MAP7D2: variants seen among roughly 807,000 people sequenced by gnomAD.
MAP7D2 encodes MAP7 domain-containing protein 2.
MAP7D2 carries 33 observed loss-of-function variants against 63.5 expected under a neutral mutation model. The ratio of observed to expected loss-of-function variants is 0.52; its 90% CI spans 0.39 to 0.70. MAP7D2 has a LOEUF of 0.70. Ranked by LOEUF, MAP7D2 falls within the 30% of genes least tolerant of loss-of-function variation. The pLI, the probability that MAP7D2 is intolerant of heterozygous loss-of-function variation, is 0.00. For synonymous variants in MAP7D2, 224 were observed against 223.7 expected (o/e 1.00, Z -0.01); for missense variants, 626 against 604.0 (o/e 1.04, Z -0.38).
In MAP7D2 at chrX:20,074,778, C is replaced by T. The variant is rs200636056; in HGVS notation, c.131-9973G>A. Among the ~76,000 whole-genome samples the T allele has an allele frequency of 1.8e-3, 199 of 111,758 alleles. 5 individuals are homozygous for T. The South Asian group carries it at 0.019, about 11-fold the overall frequency. On this transcript the variant is annotated intron_variant, in intron 1 of 16. Transcript: ENST00000379643. Reference sequence around the variant, plus strand: ...AACAGTGTTAAAATGAGGCCAGGCGCGGTGGTTTACTCCTGTAATCCCGGC... The same window carrying T: ...AACAGTGTTAAAATGAGGCCAGGCGTGGTGGTTTACTCCTGTAATCCCGGC...
At chrX:20,049,364 T>C (rs761432117) in intron 6 of MAP7D2, among the ~76,000 whole-genome samples, 25 of 106,625 alleles carry the variant, frequency 2.3e-4, no homozygotes, top group Admixed American at 4.1e-4. Context: ...CTCCACCTCC[T>C]GGGCTCAAGT....
At chrX:20,039,459 CTTA>C (rs894601372) in intron 8 of MAP7D2, among the ~76,000 whole-genome samples, 4 of 111,779 alleles carry the variant, frequency 3.6e-5, no homozygotes, top group African/African-American at 1.3e-4. Context: ...TAATTACGAC[CTTA>C]TTATTTGTCT....
At chrX:20,076,515 G>A (rs1489169123) in intron 1 of MAP7D2, among the ~76,000 whole-genome samples, 2 of 110,397 alleles carry the variant, frequency 1.8e-5, no homozygotes, top group Non-Finnish European at 3.8e-5. Context: ...AGACCAGCCC[G>A]GCCAACATGA....
intron 1 of MAP7D2, among the ~76,000 whole-genome samples, chrX:20,074,721 G>T (rs888852454): frequency 2.3e-4 from 26 of 111,475 alleles, no homozygotes; most frequent in African/African-American, 8.5e-4. Flanking sequence ...AACCATTAAA[G>T]GCACTCTGAG....
chrX:20,111,796 G>T (rs2066751087), intron 1 of MAP7D2, among the ~76,000 whole-genome samples: 1 of 111,826 alleles, frequency 8.9e-6, no homozygotes, highest in Non-Finnish European at 1.9e-5. Flanking sequence ...TTTGAGTCAG[G>T]CTCTCACTTT....
intron 16 of MAP7D2, among the ~76,000 whole-genome samples, chrX:20,009,154 G>T (rs2073095730): frequency 9.0e-6 from 1 of 111,011 alleles, no homozygotes; most frequent in African/African-American, 3.3e-5. Context: ...CAAGAGAAAT[G>T]GGCTCTCAAA....
chrX:20,080,489 C>T (rs1389039942), intron 1 of MAP7D2, among the ~76,000 whole-genome samples: 1 of 111,099 alleles, frequency 9.0e-6, no homozygotes, highest in Non-Finnish European at 1.9e-5. Flanking sequence ...CTACCATGGA[C>T]AGGGCATGTA....
chrX:20,068,970 GCCT>G (rs371406888), intron 1 of MAP7D2, among the ~76,000 whole-genome samples: 7 of 111,138 alleles, frequency 6.3e-5, no homozygotes, highest in African/African-American at 2.3e-4. Context: ...AATGCCTTTC[GCCT>G]CCCTCCATGA....
intron 10 of MAP7D2, among the ~76,000 whole-genome samples, chrX:20,023,951 C>A (rs1047308371): frequency 8.9e-6 from 1 of 112,282 alleles, no homozygotes. Context: ...ACCTACCCCA[C>A]TGTCCCTTTT....
intron 1 of MAP7D2, among the ~76,000 whole-genome samples, chrX:20,071,007 G>A (rs767811273): frequency 1.9e-3 from 215 of 111,783 alleles, no homozygotes; most frequent in African/African-American, 5.7e-3. Flanking sequence ...TAACCTTTCC[G>A]ATCACACTCA....
chrX:20,061,414 G>A (rs1350063655), intron 3 of MAP7D2, among the ~76,000 whole-genome samples: 1 of 112,137 alleles, frequency 8.9e-6, no homozygotes, highest in Non-Finnish European at 1.9e-5. Context: ...GGGTCCCCTG[G>A]GACCCTGAGG....
rs748266184 is a variant in MAP7D2, at chrX:20,105,295, A to G, written c.130+11455T>C. Among the ~76,000 whole-genome samples, 88 of 111,797 alleles carry G rather than the reference A, an allele frequency of 7.9e-4. 1 individual carries two copies. Among genetic ancestry groups the G allele is most frequent in the African/African-American group, 2.8e-3 (86 of 30,787 alleles). On this transcript the variant is annotated intron_variant, in intron 1 of 16. Transcript: ENST00000379643. ...AGGACGTTAATCCCATACATCTACC[A>G]CAGCAACCAGAGTACCACACTGGTT...
At chrX:20,082,674 G>A (rs1017836564) in intron 1 of MAP7D2, among the ~76,000 whole-genome samples, 2 of 112,029 alleles carry the variant, frequency 1.8e-5, no homozygotes, top group African/African-American at 6.5e-5. Flanking sequence ...TGTTGTCGGG[G>A]CTGCAGTGCA....
At chrX:20,100,614 TG>T (rs997000190) in intron 1 of MAP7D2, among the ~76,000 whole-genome samples, 2 of 34,940 alleles carry the variant, frequency 5.7e-5, no homozygotes, top group Non-Finnish European at 1.1e-4. Flanking sequence ...GAAGTAGAGC[TG>T]GGGGGGAGGG....
At chrX:20,064,589 T>C (rs991177318) in intron 2 of MAP7D2, 139 bp downstream of exon 2, 4 of 488,109 alleles carry the variant, frequency 8.2e-6, no homozygotes, top group Non-Finnish European at 1.4e-5. Context: ...AGTTGCAGTG[T>C]AGGTTCACGC....
chrX:20,017,230 T>C (rs1256304048), intron 10 of MAP7D2: 2 of 114,217 alleles, frequency 1.8e-5, no homozygotes, highest in African/African-American at 6.5e-5. Flanking sequence ...AAAGCTATAC[T>C]ATTGTTCTAT....
At chrX:20,113,867 CAATTA>C (rs1263700582) in intron 1 of MAP7D2, among the ~76,000 whole-genome samples, 1 of 111,691 alleles carries the variant, frequency 9.0e-6, no homozygotes, top group Non-Finnish European at 1.9e-5. Flanking sequence ...TTTAAATGAA[CAATTA>C]AATTATTATT....
chrX:20,019,907 T>C (rs1053768171), intron 10 of MAP7D2, among the ~76,000 whole-genome samples: 11 of 111,952 alleles, frequency 9.8e-5, no homozygotes, highest in African/African-American at 3.3e-4. Context: ...ACTCCTGGGC[T>C]GCCAATCACT....
At chrX:20,116,581 C>T in intron 1 of MAP7D2, 169 bp downstream of exon 1, 1 of 967,870 alleles carries the variant, frequency 1.0e-6, no homozygotes. Flanking sequence ...AGGGGTGCGG[C>T]CCTTGGATGC....
Sources: gnomAD v4.1 joint callset for allele counts (sites outside exome capture counted in the v4.1 genomes callset) on GRCh38, gnomAD v4.1.1 for gene constraint, MANE v1.5 for transcripts, NCBI Gene and HGNC (gene_info 2026-07-23, HGNC 2026-07-21) for gene names.